Variants in SAP18 observed in about 807,000 individuals in gnomAD.
SAP18 encodes histone deacetylase complex subunit SAP18.
Under a neutral mutation model 18.6 loss-of-function variants are expected in SAP18, and 4 were observed. The ratio of observed to expected loss-of-function variants is 0.21; its 90% CI spans 0.11 to 0.49. The LOEUF is 0.49. Ranked by LOEUF, SAP18 falls within the 20% of genes least tolerant of loss-of-function variation. The pLI is 0.98. For missense variants in SAP18, 170 were observed against 226.4 expected, an observed-to-expected ratio of 0.75 and a Z score of 1.60; for synonymous variants, 112 against 82.8, an observed-to-expected ratio of 1.35 and a Z score of -1.92.
At chr13:21,147,355 ATTTG>A in exon 4 of SAP18, 1 of 1,590,406 alleles carries the variant, frequency 6.3e-7, no homozygotes, top group Non-Finnish European at 8.5e-7. Flanking sequence ...TCTATTTACT[ATTTG>A]TTGAATTTAT....
upstream of SAP18, among the ~76,000 whole-genome samples, chr13:21,140,249 A>G (rs565623269): frequency 6.6e-6 from 1 of 152,276 alleles, no homozygotes; most frequent in African/African-American, 2.4e-5. Context: ...ATATTTTGCT[A>G]ATAAAGGAAC....
chr13:21,143,068 A>C (rs1869526654), intron 2 of SAP18, among the ~76,000 whole-genome samples: 2 of 152,208 alleles, frequency 1.3e-5, no homozygotes, highest in Admixed American at 1.3e-4. Flanking sequence ...AGCCTTGTCA[A>C]GGCTGAATCA....
intron 3 of SAP18, 39 bp downstream of exon 3, chr13:21,146,966 G>GT: frequency 6.3e-7 from 1 of 1,581,422 alleles, no homozygotes; most frequent in Non-Finnish European, 8.6e-7. Context: ...TAATCTCTTT[G>GT]TTTTTAGTAT....
chr13:21,144,790 G>A (rs1283662623), intron 2 of SAP18, among the ~76,000 whole-genome samples: 1 of 152,224 alleles, frequency 6.6e-6, no homozygotes, highest in African/African-American at 2.4e-5. Flanking sequence ...TGGAAAGACA[G>A]TCCTTAGAAG....
chr13:21,141,291 G>A (rs1869456796), intron 2 of SAP18: 1 of 444,598 alleles, frequency 2.2e-6, no homozygotes, highest in East Asian at 4.5e-5. Context: ...AGATAAATAT[G>A]TTGTAGTATC....
chr13:21,140,507 C>T (rs758460442), upstream of SAP18: 194 of 1,539,804 alleles, frequency 1.3e-4, no homozygotes, highest in Middle Eastern at 4.1e-4. Flanking sequence ...CAGCCCCTGG[C>T]CGACTATAAA....
chr13:21,147,449 A>G (rs1294484368), exon 4 of SAP18: 1 of 944,594 alleles, frequency 1.1e-6, no homozygotes, highest in Non-Finnish European at 1.6e-6. Context: ...TTCTAAACAA[A>G]TTATAATGCA....
intron 2 of SAP18, 116 bp downstream of exon 2, chr13:21,141,111 G>T: frequency 1.4e-6 from 1 of 707,494 alleles, no homozygotes; most frequent in Non-Finnish European, 2.5e-6. Context: ...TCCACTTGGG[G>T]CCTTCGGACT....
At chr13:21,141,609 A>C (rs1869465447) in intron 2 of SAP18, 1 of 154,202 alleles carries the variant, frequency 6.5e-6, no homozygotes, top group Admixed American at 6.4e-5. Flanking sequence ...TTGGATTGAC[A>C]CCATAATGGC....
chr13:21,140,732 C>G, intron 1 of SAP18, 51 bp downstream of exon 1: 2 of 1,599,074 alleles, frequency 1.3e-6, no homozygotes, highest in Non-Finnish European at 1.7e-6. Flanking sequence ...GGATGAGTCC[C>G]GCAGGGTGCA....
intron 2 of SAP18, among the ~76,000 whole-genome samples, chr13:21,145,108 C>G (rs549632464): frequency 7.1e-6 from 1 of 141,450 alleles, no homozygotes; most frequent in East Asian, 2.1e-4. Context: ...GCTCTGTCAT[C>G]CAGGCTGGAG....
In SAP18 at chr13:21,143,324, A is replaced by C. The variant is rs1999098; in HGVS notation, c.239+2329A>C. 9.8e-4 allele frequency among the ~76,000 whole-genome samples: 150 copies of C among 152,318 alleles called. 2 individuals carry two copies. The East Asian group carries it at 0.028, about 29-fold the overall frequency. ...GCAGCTGCACTATTTTATATTCCCC[A>C]AAAGATGTATAATTTTAAACTATTT... On this transcript the variant is annotated intron_variant, in intron 2 of 3. Transcript: ENST00000621421.
chr13:21,146,017 G>T (rs956824297), intron 2 of SAP18, among the ~76,000 whole-genome samples: 1 of 152,096 alleles, frequency 6.6e-6, no homozygotes, highest in African/African-American at 2.4e-5. Context: ...ACTCTTATCT[G>T]TTGTAAAACT....
chr13:21,142,296 A>G (rs372786126), intron 2 of SAP18, among the ~76,000 whole-genome samples: 12 of 150,712 alleles, frequency 8.0e-5, no homozygotes, highest in African/African-American at 1.7e-4. Context: ...CAAAATATAT[A>G]TGTGTGTGCC....
At chr13:21,147,156 T>G in intron 3 of SAP18, 30 bp from the exon 4 acceptor site, 2 of 1,596,036 alleles carry the variant, frequency 1.3e-6, no homozygotes, top group Non-Finnish European at 1.7e-6. Context: ...TTGATTTGGA[T>G]CCATTAACAG....
intron 2 of SAP18, among the ~76,000 whole-genome samples, chr13:21,143,669 G>A (rs577316148): frequency 2.0e-5 from 3 of 152,262 alleles, no homozygotes; most frequent in Admixed American, 6.5e-5. Flanking sequence ...CAGGGAAAGC[G>A]GATGAATAGA....
exon 1 of SAP18, chr13:21,140,575 G>A (rs548145674): frequency 4.4e-6 from 7 of 1,604,076 alleles, no homozygotes; most frequent in East Asian, 4.5e-5. Flanking sequence ...GGGGTCGGAG[G>A]TCAGGGCGAG....
chr13:21,141,752 C>T (rs12875984), intron 2 of SAP18: 1 of 152,042 alleles, frequency 6.6e-6, no homozygotes, highest in South Asian at 2.1e-4. Context: ...CTGCAACCTC[C>T]ACCTCCTGGA....
chr13:21,141,790 C>T (rs528265950), intron 2 of SAP18, among the ~76,000 whole-genome samples: 1 of 152,038 alleles, frequency 6.6e-6, no homozygotes, highest in South Asian at 2.1e-4. Flanking sequence ...ACTCAGCCTC[C>T]CAAGTAGCTG....
Sources: allele counts gnomAD v4.1 joint callset (sites outside exome capture counted in the v4.1 genomes callset), GRCh38; gene constraint gnomAD v4.1.1; transcripts MANE v1.5; gene names NCBI Gene and HGNC (gene_info 2026-07-23, HGNC 2026-07-21).